Variants in ANKS1B observed in about 807,000 individuals in gnomAD.
ANKS1B encodes the protein ankyrin repeat and sterile alpha motif domain-containing protein 1B.
In ANKS1B, 36 loss-of-function variants were observed where a neutral mutation model predicts 148.3. The observed-to-expected ratio is 0.24, with a 90% CI of 0.19 to 0.32. ANKS1B has a LOEUF of 0.32. Among genes scored for constraint, ANKS1B ranks in the 10% least tolerant of loss-of-function variants. ANKS1B has a pLI of 1.00. For missense variants in ANKS1B, 1,157 were observed against 1,542.6 expected, an observed-to-expected ratio of 0.75 and a Z score of 4.19; for synonymous variants, 542 against 560.8, an observed-to-expected ratio of 0.97 and a Z score of 0.47.
At chr12:99,060,295 G>A (rs1214352201) in intron 16 of ANKS1B, among the ~76,000 whole-genome samples, 2 of 151,954 alleles carry the variant, frequency 1.3e-5, no homozygotes, top group South Asian at 2.1e-4. Context: ...GAGAGAGTAT[G>A]CTGTTAACAT....
chr12:98,835,125 A>G (rs991792316), intron 17 of ANKS1B, among the ~76,000 whole-genome samples: 2 of 143,210 alleles, frequency 1.4e-5, no homozygotes, highest in Non-Finnish European at 3.1e-5. Context: ...TATTATTATT[A>G]TTTACAAAAC....
chr12:99,388,113 A>G (rs73372070), intron 12 of ANKS1B, among the ~76,000 whole-genome samples: 6,745 of 152,282 alleles, frequency 0.044, 424 homozygotes, highest in African/African-American at 0.13. Context: ...GCGGAATGGC[A>G]TGATCAGATA....
In ANKS1B at chr12:99,984,231, T is replaced by A; in HGVS notation, c.7A>T (p.Lys3Ter). 1 of 1,612,802 alleles carries A rather than the reference T, an allele frequency of 6.2e-7. No homozygotes were observed. The highest frequency in any genetic ancestry group is 8.5e-7 in the Non-Finnish European group (1 of 1,179,332). ...GCAGCTTCCAGCAGCTCCTGGTCCT[T>A]CCCCATAGTCTCTCACCGACTCCCC... MG[K>*]DQELLEAART... Residue 3 changes from lysine (K) to a stop codon, truncating the protein, a stop_gained, in exon 1 of 27, where the codon AAG (lysine) becomes TAG (stop). Transcript: ENST00000683438. LOFTEE classifies it high-confidence loss of function.
chr12:99,569,968 AGGATG>A (rs1325869876), intron 9 of ANKS1B, among the ~76,000 whole-genome samples: 3 of 152,206 alleles, frequency 2.0e-5, no homozygotes, highest in African/African-American at 7.2e-5. Context: ...ACAATGTTGC[AGGATG>A]AACTGTTGCT....
chr12:99,565,947 C>A (rs940976104), intron 9 of ANKS1B, among the ~76,000 whole-genome samples: 1 of 152,112 alleles, frequency 6.6e-6, no homozygotes, highest in Non-Finnish European at 1.5e-5. Flanking sequence ...CTCCTAGAGG[C>A]CCTCAGGTTT....
intron 11 of ANKS1B, among the ~76,000 whole-genome samples, chr12:99,415,263 C>A (rs10860434): frequency 0.41 from 62,154 of 151,948 alleles, 13,152 homozygotes; most frequent in African/African-American, 0.51. Flanking sequence ...TTCATGTCAA[C>A]TTCAAATGCA....
chr12:99,389,468 T>C (rs545098929), intron 12 of ANKS1B, among the ~76,000 whole-genome samples: 2 of 152,336 alleles, frequency 1.3e-5, no homozygotes, highest in East Asian at 3.9e-4. Context: ...ACCAAAAGAC[T>C]CTTTTCCTCC....
chr12:99,688,610 G>C (rs1049072615), intron 8 of ANKS1B, among the ~76,000 whole-genome samples: 2 of 152,160 alleles, frequency 1.3e-5, no homozygotes, highest in African/African-American at 4.8e-5. Context: ...GCTGAAGTGG[G>C]AAGATCACTT....
At chr12:99,670,723 G>A (rs2098533983) in intron 8 of ANKS1B, among the ~76,000 whole-genome samples, 1 of 152,144 alleles carries the variant, frequency 6.6e-6, no homozygotes, top group African/African-American at 2.4e-5. Flanking sequence ...AGGGCAAGTA[G>A]AGGAGAGAAT....
At chr12:99,080,732 A>C (rs1005134708) in intron 16 of ANKS1B, among the ~76,000 whole-genome samples, 1 of 152,242 alleles carries the variant, frequency 6.6e-6, no homozygotes, top group African/African-American at 2.4e-5. Flanking sequence ...GGCCACATAC[A>C]ATTCTTTTCT....
intron 1 of ANKS1B, among the ~76,000 whole-genome samples, chr12:99,899,882 A>G (rs1175279577): frequency 6.6e-6 from 1 of 151,786 alleles, no homozygotes; most frequent in Admixed American, 6.6e-5. Flanking sequence ...AAACCAAAGT[A>G]CTGTAAAAAG....
At chr12:98,972,182 A>ACAAAC (rs113274367) in intron 17 of ANKS1B, among the ~76,000 whole-genome samples, 4 of 152,028 alleles carry the variant, frequency 2.6e-5, no homozygotes, top group East Asian at 1.9e-4. Context: ...TAACAAACAA[A>ACAAAC]AAATTTCACA....
intron 10 of ANKS1B, among the ~76,000 whole-genome samples, chr12:99,471,598 G>A (rs2096242872): frequency 6.6e-6 from 1 of 151,944 alleles, no homozygotes; most frequent in Admixed American, 6.6e-5. Flanking sequence ...CAATGTGTCA[G>A]TAGACAGGTT....
intron 22 of ANKS1B, among the ~76,000 whole-genome samples, chr12:98,782,349 T>C (rs1482446914): frequency 2.0e-5 from 3 of 152,222 alleles, no homozygotes; most frequent in South Asian, 2.1e-4. Context: ...CCCCTTTCTT[T>C]CTCTGTTTCT....
At chr12:99,127,961 T>C (rs934978291) in intron 15 of ANKS1B, among the ~76,000 whole-genome samples, 1 of 152,310 alleles carries the variant, frequency 6.6e-6, no homozygotes, top group Admixed American at 6.5e-5. Flanking sequence ...AACCAGAAAT[T>C]GAAAACTAAA....
At chr12:99,935,012 T>C (rs1038030902) in intron 1 of ANKS1B, among the ~76,000 whole-genome samples, 1 of 152,010 alleles carries the variant, frequency 6.6e-6, no homozygotes, top group Non-Finnish European at 1.5e-5. Flanking sequence ...GTTGGAATAT[T>C]TGAATGTATA....
intron 16 of ANKS1B, 64 bp downstream of exon 16, chr12:99,084,861 C>G: frequency 7.8e-7 from 1 of 1,287,834 alleles, no homozygotes; most frequent in Non-Finnish European, 1.1e-6. Flanking sequence ...ATACTCCTTG[C>G]ATGCCTGGAC....
chr12:98,963,084 A>C (rs1191752703), intron 17 of ANKS1B, among the ~76,000 whole-genome samples: 2 of 152,218 alleles, frequency 1.3e-5, no homozygotes, highest in Non-Finnish European at 2.9e-5. Flanking sequence ...AAGAAAATAA[A>C]TAAAGATCAG....
At chr12:99,335,725 C>T (rs959665984) in intron 12 of ANKS1B, among the ~76,000 whole-genome samples, 1 of 152,028 alleles carries the variant, frequency 6.6e-6, no homozygotes. Flanking sequence ...ATAAGTGCCA[C>T]ATTTTCTGTG....
Sources: gnomAD v4.1 joint callset for allele counts (sites outside exome capture counted in the v4.1 genomes callset) on GRCh38, gnomAD v4.1.1 for gene constraint, MANE v1.5 for transcripts, NCBI Gene and HGNC (gene_info 2026-07-23, HGNC 2026-07-21) for gene names.